PRKG2: variants seen among roughly 807,000 people sequenced by gnomAD.
PRKG2 encodes cGMP-dependent protein kinase 2.
A neutral mutation model predicts 97.2 loss-of-function variants in PRKG2; 33 were observed. That is an observed-to-expected ratio of 0.34 (90% CI 0.26 to 0.45). The LOEUF is 0.45. Among genes scored for constraint, PRKG2 ranks in the 20% least tolerant of loss-of-function variants. PRKG2 has a pLI of 1.00. For synonymous variants in PRKG2, 330 were observed against 321.8 expected, an observed-to-expected ratio of 1.03 and a Z score of -0.27; for missense variants, 638 against 900.0, an observed-to-expected ratio of 0.71 and a Z score of 3.73.
chr4:81,184,242 A>G (rs1751682922), intron 2 of PRKG2, among the ~76,000 whole-genome samples: 1 of 152,156 alleles, frequency 6.6e-6, no homozygotes, highest in South Asian at 2.1e-4. Flanking sequence ...CTCATACAGG[A>G]GAGCTCCAGC....
At chr4:81,135,631 A>G (rs1746606526) in intron 13 of PRKG2, among the ~76,000 whole-genome samples, 1 of 152,196 alleles carries the variant, frequency 6.6e-6, no homozygotes, top group Non-Finnish European at 1.5e-5. Flanking sequence ...AAATGCTACT[A>G]TAGTGGAGAG....
Position 81,171,861 on chromosome 4 carries a change from C to T in PRKG2, c.629-57G>A, listed in dbSNP as rs557428232. On this transcript the variant is annotated intron_variant, in intron 3 of 18. Transcript: ENST00000264399. ...CAAATAATCGAAATCCGTGTAGATA[C>T]TATAAATTAGTAAAATAAAACAATC... 2.0e-5 allele frequency: 23 copies of T among 1,172,938 alleles called. No homozygotes were observed. In the African/African-American group the frequency reaches 3.3e-4, roughly 17 times the overall value. 72.7% of individuals were successfully genotyped at this position (1,172,938 alleles called of 1,614,324 possible).
chr4:81,208,928 C>G (rs1463384312), intron 1 of PRKG2, among the ~76,000 whole-genome samples: 1 of 152,110 alleles, frequency 6.6e-6, no homozygotes, highest in Non-Finnish European at 1.5e-5. Context: ...CTCATGTAGC[C>G]CCTATTTATT....
chr4:81,128,223 T>C (rs982428109), intron 14 of PRKG2, among the ~76,000 whole-genome samples: 3 of 152,224 alleles, frequency 2.0e-5, no homozygotes, highest in Non-Finnish European at 4.4e-5. Context: ...TGCTGCTGGA[T>C]TCGGTTTGCC....
chr4:81,185,094 C>G (rs1206743189), intron 2 of PRKG2, among the ~76,000 whole-genome samples: 1 of 152,154 alleles, frequency 6.6e-6, no homozygotes. Flanking sequence ...CCTAGCAAGA[C>G]AGGGCAACAA....
chr4:81,140,544 T>C lies in PRKG2; in HGVS notation c.1533A>G (p.Pro511=). 1.9e-6 allele frequency: 3 copies of C among 1,589,796 alleles called. No individual in the cohort carries two copies. The highest frequency in any genetic ancestry group is 2.6e-6 in the Non-Finnish European group (3 of 1,165,032). Residue 511 remains proline, a synonymous_variant, in exon 12 of 19, where the codon CCA becomes CCG. Transcript: ENST00000264399. ...AAGTGGTCACTTACTTCACAATGAA[T>C]GGAGAGCACAGCTCCTCTAGGATCC... ...EKRILEELCS[P]FIVKLYRTFK...
At chr4:81,203,539 T>C (rs556861026) in intron 2 of PRKG2, among the ~76,000 whole-genome samples, 1 of 152,338 alleles carries the variant, frequency 6.6e-6, no homozygotes, top group East Asian at 1.9e-4. Context: ...AAATCTTGCA[T>C]TTTGCAATAG....
intron 1 of PRKG2, among the ~76,000 whole-genome samples, chr4:81,208,994 AG>A: frequency 6.6e-6 from 1 of 152,326 alleles, no homozygotes; most frequent in Admixed American, 6.5e-5. Flanking sequence ...TTATCTTTGA[AG>A]GCAACCAAAA....
intron 15 of PRKG2, among the ~76,000 whole-genome samples, chr4:81,109,199 T>C (rs567380922): frequency 2.3e-4 from 33 of 145,352 alleles, no homozygotes; most frequent in African/African-American, 7.8e-4. Context: ...CATATTTGTT[T>C]GCTCAATGCA....
intron 14 of PRKG2, among the ~76,000 whole-genome samples, 165 bp from the exon 15 acceptor site, chr4:81,110,776 C>CA (rs397759077): frequency 0.11 from 15,434 of 141,352 alleles, 1,705 homozygotes; most frequent in African/African-American, 0.3. Context: ...GACAGACAGA[C>CA]GGACAGACAG....
chr4:81,205,116 C>T (rs1399028548), intron 1 of PRKG2, 56 bp from the exon 2 acceptor site: 41 of 1,072,136 alleles, frequency 3.8e-5, no homozygotes, highest in South Asian at 1.6e-5. Context: ...CCAACAGTCC[C>T]CACCATTCCT....
chr4:81,174,964 T>C lies in PRKG2; in HGVS notation c.462-5A>G. The C allele has an allele frequency of 6.3e-7, 1 of 1,592,536 alleles. No homozygotes were observed. The highest frequency in any genetic ancestry group is 8.6e-7 in the Non-Finnish European group (1 of 1,168,052). ...TCTGTAATGAGCTTCTTCTCACTGG[T>C]ATAATGGAAAAGAGATGTTAGTTAC... On this transcript the variant is annotated splice_region_variant and splice_polypyrimidine_tract_variant and intron_variant, in intron 2 of 18. Coordinates refer to ENST00000264399, the MANE Select transcript of PRKG2 (RefSeq NM_006259.3).
intron 2 of PRKG2, among the ~76,000 whole-genome samples, chr4:81,180,087 C>T (rs1206068329): frequency 2.0e-5 from 3 of 151,826 alleles, no homozygotes; most frequent in African/African-American, 2.4e-5. Flanking sequence ...GAGCTGAGAT[C>T]GCACCATTGC....
intron 14 of PRKG2, among the ~76,000 whole-genome samples, chr4:81,112,835 T>C (rs1744119968): frequency 6.6e-6 from 1 of 152,196 alleles, no homozygotes; most frequent in Non-Finnish European, 1.5e-5. Context: ...ATGTCTGTCT[T>C]GTACCACCAT....
chr4:81,163,822 G>T (rs1488411745), intron 6 of PRKG2, among the ~76,000 whole-genome samples: 2 of 149,750 alleles, frequency 1.3e-5, no homozygotes, highest in Non-Finnish European at 3.0e-5. Context: ...TCATTAAAAA[G>T]AAGTATTGGA....
At chr4:81,179,189 G>C (rs1751193617) in intron 2 of PRKG2, among the ~76,000 whole-genome samples, 1 of 150,502 alleles carries the variant, frequency 6.6e-6, no homozygotes, top group Non-Finnish European at 1.5e-5. Context: ...AAAATGTCAA[G>C]CACAGACAAG....
At chr4:81,148,843 A>C in intron 9 of PRKG2, 41 bp downstream of exon 9, 1 of 1,563,532 alleles carries the variant, frequency 6.4e-7, no homozygotes, top group Non-Finnish European at 8.8e-7. Context: ...AAGTCTTCAA[A>C]GGTGGCAGTG....
At chr4:81,094,643 G>A (rs1741934830) in intron 17 of PRKG2, among the ~76,000 whole-genome samples, 1 of 152,084 alleles carries the variant, frequency 6.6e-6, no homozygotes, top group African/African-American at 2.4e-5. Context: ...AGGTTGGGAA[G>A]GGCTGCTTAT....
At position 81,139,260 on chromosome 4, in the gene PRKG2, C is replaced by T. The variant is rs570382814; in HGVS notation, c.1544+1273G>A. Among the ~76,000 whole-genome samples the T allele has an allele frequency of 6.6e-5, 10 of 152,246 alleles. No homozygotes were observed. The East Asian group carries it at 1.7e-3, about 27-fold the overall frequency. ...TCCCCCTTGGCTTCCCACATGTGCC[C>T]AAATGCTGCCTTCTGCAGAAATTCA... On this transcript the variant is annotated intron_variant, in intron 12 of 18. Transcript: ENST00000264399.
Sources: allele counts gnomAD v4.1 joint callset (sites outside exome capture counted in the v4.1 genomes callset), GRCh38; gene constraint gnomAD v4.1.1; transcripts MANE v1.5; gene names NCBI Gene and HGNC (gene_info 2026-07-23, HGNC 2026-07-21).